The following ABHD16A variants were observed in gnomAD, a reference collection of about 807,000 sequenced individuals.
ABHD16A encodes abhydrolase domain containing 16A, phospholipase.
In ABHD16A, 47 loss-of-function variants were observed where a neutral mutation model predicts 89.8. The observed-to-expected ratio is 0.52, with a 90% CI of 0.41 to 0.67. The LOEUF is 0.67. ABHD16A is among the 30% of genes least tolerant of loss of function. The pLI is 0.00. For synonymous variants in ABHD16A, 251 were observed against 280.4 expected, an observed-to-expected ratio of 0.90 and a Z score of 1.05; for missense variants, 580 against 734.6, an observed-to-expected ratio of 0.79 and a Z score of 2.43.
chr6:31,703,274 T>C lies in ABHD16A; in HGVS notation c.8A>G (p.Lys3Arg), dbSNP rs527750141. 6.6e-6 allele frequency: 9 copies of C among 1,356,012 alleles called. No individual in the cohort carries two copies. In the South Asian group the frequency reaches 8.3e-5, roughly 13 times the overall value. The allele number at this position is 1,356,012 out of a possible 1,614,324, so 84.0% of individuals were successfully genotyped here. A position where few individuals can be genotyped will look rare whatever the true frequency, so the allele number is the denominator to read the frequency against. Residue 3 changes from lysine to arginine, a missense_variant, in exon 1 of 20, where the codon AAG (lysine) becomes AGG (arginine). This residue lies in a region of ABHD16A where 165 missense variants were observed against 165.8 expected (regional missense o/e 1.00). Transcript: ENST00000395952. Reference protein sequence around the residue: MAKLLSCVLGPRL... With the variant: MARLLSCVLGPRL... Reference sequence around the variant, plus strand: ...GGGGCCTAGGACGCAGCTCAGCAGCTTCGCCATGGCCCCGGCTCGGGCCGC... The same window carrying C: ...GGGGCCTAGGACGCAGCTCAGCAGCCTCGCCATGGCCCCGGCTCGGGCCGC...
intron 11 of ABHD16A, 44 bp from the exon 12 acceptor site, chr6:31,689,748 G>C: frequency 1.9e-6 from 3 of 1,579,844 alleles, no homozygotes; most frequent in Non-Finnish European, 2.6e-6. Context: ...AGCACCAAAG[G>C]CCAGCTCACC....
At chr6:31,702,330 CAG>C (rs1282097646) in intron 1 of ABHD16A, among the ~76,000 whole-genome samples, 200 bp from the exon 2 acceptor site, 1 of 152,170 alleles carries the variant, frequency 6.6e-6, no homozygotes, top group Non-Finnish European at 1.5e-5. Context: ...GGAACAAACA[CAG>C]GGAGCTGGAT....
chr6:31,690,508 C>T lies in ABHD16A; in HGVS notation c.907+31G>A, dbSNP rs1466796083. ...GGCAGGGACATTCCCTTTCAAAGGG[C>T]GGAGATAAGGAGGCTGAGTCACCGT... On this transcript the variant is annotated intron_variant, in intron 10 of 19. Coordinates refer to ENST00000395952, the MANE Select transcript of ABHD16A (RefSeq NM_021160.3). This position sits in a 1 kb window ranked among gnomAD's most constrained non-coding sequence, Gnocchi z 4.1. The T allele has an allele frequency of 1.2e-5, 19 of 1,610,404 alleles. No homozygotes were observed. The African/African-American group carries it at 1.2e-4, about 10-fold the overall frequency.
chr6:31,688,096 C>T lies in ABHD16A; in HGVS notation c.1315G>A (p.Glu439Lys). The change falls in exon 16 of 20, where the codon GAG (glutamate) becomes AAG (lysine). Residue 439 changes from glutamate (E) to lysine (K), a missense_variant. Transcript: ENST00000395952. This position sits in a 1 kb window ranked among gnomAD's most constrained non-coding sequence, Gnocchi z 4.9. ...KDEIITTTVP[E>K]DIMSNRGNDL... ...TTGCCTCGGTTGGACATGATGTCCT[C>T]AGGAACCCTGGGGGTGAGAAGAATG... 6.2e-7 allele frequency: 1 copy of T among 1,612,428 alleles called. No individual in the cohort carries two copies. Among genetic ancestry groups the T allele is most frequent in the Non-Finnish European group, 8.5e-7 (1 of 1,178,990 alleles).
rs1487603696 is a variant in ABHD16A, at chr6:31,691,499, G to T, written c.843+80C>A. 7.8e-6 allele frequency: 10 copies of T among 1,283,146 alleles called. No homozygotes were observed. In the South Asian group the frequency reaches 8.8e-5, roughly 11 times the overall value. 79.5% of individuals were successfully genotyped at this position (1,283,146 alleles called of 1,614,324 possible). On this transcript the variant is annotated intron_variant, in intron 9 of 19. Transcript: ENST00000395952. ...CCCCAGTAGTGGTTCCTTCAGGGAG[G>T]TGCTATAGCATTGGGGTCCCCAGAC...
chr6:31,689,529 G>A, intron 12 of ABHD16A, 52 bp downstream of exon 12: 1 of 1,498,418 alleles, frequency 6.7e-7, no homozygotes, highest in South Asian at 1.3e-5. Flanking sequence ...CCCGGGTGGG[G>A]CTGGGTGGTC....
chr6:31,701,380 C>G, intron 2 of ABHD16A, 40 bp from the exon 3 acceptor site: 2 of 1,496,700 alleles, frequency 1.3e-6, no homozygotes, highest in Non-Finnish European at 1.9e-6. Flanking sequence ...AATACACACA[C>G]ACACACACAC....
rs747522950 is a variant in ABHD16A at position 31,687,340 on chromosome 6, G to A, written c.1594-45C>T. The A allele has an allele frequency of 1.2e-6, 2 of 1,605,538 alleles. No homozygotes were observed. The highest frequency in any genetic ancestry group is 1.7e-5 in the Admixed American group (1 of 59,946). On this transcript the variant is annotated intron_variant, in intron 19 of 19. Transcript: ENST00000395952. This position sits in a 1 kb window ranked among gnomAD's most constrained non-coding sequence, Gnocchi z 6.3. ...CAGGTGGGGTACAGAGCACTGTTGG[G>A]AGGGGCAGCCACTGGACTCCCTCCC...
chr6:31,696,442 A>G (rs805276), intron 5 of ABHD16A, among the ~76,000 whole-genome samples: 56,961 of 151,286 alleles, frequency 0.38, 11,779 homozygotes, highest in African/African-American at 0.55. Context: ...AGACCAGCCT[A>G]GCCAACATGG....
At chr6:31,691,730 T>A (rs1803897335) in intron 8 of ABHD16A, 50 bp from the exon 9 acceptor site, 1 of 716,504 alleles carries the variant, frequency 1.4e-6, no homozygotes, top group Admixed American at 2.4e-5. Flanking sequence ...GGAGGCCACA[T>A]CACAGGGGTG....
rs896062957 is a variant in ABHD16A, at chr6:31,693,302, G to C, written c.503+57C>G. 3 of 1,604,562 alleles carry C rather than the reference G, an allele frequency of 1.9e-6. No individual in the cohort carries two copies. Among genetic ancestry groups the C allele is most frequent in the African/African-American group, 2.7e-5 (2 of 74,728 alleles). ...GGCATGGAGGTGGGAGGGCAGAGCA[G>C]AGATTTTCTGGAATGGTTCTAAGGG... On this transcript the variant is annotated intron_variant, in intron 6 of 19. Transcript: ENST00000395952. The surrounding 1 kb of genome is among the most constrained non-coding windows in gnomAD (Gnocchi z 5.0).
At position 31,696,945 on chromosome 6, in the gene ABHD16A, C is replaced by A. The variant is rs559451959; in HGVS notation, c.429+3G>T. On this transcript the variant is annotated splice_donor_region_variant and intron_variant, in intron 5 of 19. Coordinates refer to ENST00000395952, the MANE Select transcript of ABHD16A (RefSeq NM_021160.3). ...GTGTGGCACTTTTCCTAGGGCCTCT[C>A]ACCTTGTTTTCTGAAGACTGGTTCC... The A allele has an allele frequency of 6.2e-7, 1 of 1,612,584 alleles. No individual in the cohort carries two copies. Among genetic ancestry groups the A allele is most frequent in the Admixed American group, 1.7e-5 (1 of 60,010 alleles).
intron 5 of ABHD16A, among the ~76,000 whole-genome samples, chr6:31,694,395 T>TTTTTTTG (rs1288812498): frequency 7.2e-6 from 1 of 138,100 alleles, no homozygotes; most frequent in Non-Finnish European, 1.5e-5. Context: ...GTCTTTTTTT[T>TTTTTTTG]TTTTTTTTTT....
At position 31,690,139 on chromosome 6, in the gene ABHD16A, G is replaced by T. The variant is rs201478181; in HGVS notation, c.908-12C>A. 1.3e-6 allele frequency: 2 copies of T among 1,586,072 alleles called. No individual in the cohort carries two copies. The highest frequency in any genetic ancestry group is 1.7e-6 in the Non-Finnish European group (2 of 1,166,448). Reference sequence around the variant, plus strand: ...GACTGAATATCCAGCTGTAACACAGGGGGAGGAGGGACTGAGACCTTGTGG... The same window carrying T: ...GACTGAATATCCAGCTGTAACACAGTGGGAGGAGGGACTGAGACCTTGTGG... On this transcript the variant is annotated splice_polypyrimidine_tract_variant and intron_variant, in intron 10 of 19. Transcript: ENST00000395952. This position sits in a 1 kb window ranked among gnomAD's most constrained non-coding sequence, Gnocchi z 4.1.
In ABHD16A at chr6:31,687,584, G is replaced by C. The variant is rs763124323; in HGVS notation, c.1547-40C>G. 4 of 1,612,806 alleles carry C rather than the reference G, an allele frequency of 2.5e-6. No individual in the cohort carries two copies. In the African/African-American group the frequency reaches 5.3e-5, roughly 22 times the overall value. The stretch of plus-strand genomic sequence containing the variant: ...CGCTCAAAATAGGCCACACATCTGG[G>C]TATTCATCCCCTTCCTAGGCCCTTC... On this transcript the variant is annotated intron_variant, in intron 18 of 19. Transcript: ENST00000395952. The surrounding 1 kb of genome is among the most constrained non-coding windows in gnomAD (Gnocchi z 6.3).
chr6:31,696,115 G>C (rs537234729), intron 5 of ABHD16A, among the ~76,000 whole-genome samples: 1 of 150,124 alleles, frequency 6.7e-6, no homozygotes, highest in Non-Finnish European at 1.5e-5. Context: ...AGTAAGCTGA[G>C]ATGGCGCCAC....
chr6:31,691,604 G>T lies in ABHD16A; in HGVS notation c.818C>A (p.Thr273Lys). 1.9e-6 allele frequency: 3 copies of T among 1,612,960 alleles called. No individual in the cohort carries two copies. The highest frequency in any genetic ancestry group is 2.5e-6 in the Non-Finnish European group (3 of 1,180,000). The change falls in exon 9 of 20, where the codon ACA becomes AAA. Residue 273 changes from threonine (T) to lysine (K), a missense_variant. This residue lies in a region of ABHD16A where 415 missense variants were observed against 568.8 expected (regional missense o/e 0.73). Coordinates refer to ENST00000395952, the MANE Select transcript of ABHD16A (RefSeq NM_021160.3). ...CAGCTTCTGTCCCTGGGGCTCAGCT[G>T]TCCCCCGCCGGTCCACAAACATGGT... is the stretch of plus-strand genomic sequence containing the variant. Reference protein sequence around the residue: ...IDTMFVDRRGTAEPQGQKLVI... With the variant: ...IDTMFVDRRGKAEPQGQKLVI...
In ABHD16A at chr6:31,688,242, C is replaced by A. The variant is rs1803500084; in HGVS notation, c.1307+7G>T. Reference sequence around the variant, plus strand: ...GTTCCTGAGGGCCGAGATTCCCACGCACTCACGTGGTGGTGATGATCTCAT... The same window carrying A: ...GTTCCTGAGGGCCGAGATTCCCACGAACTCACGTGGTGGTGATGATCTCAT... On this transcript the variant is annotated splice_region_variant and intron_variant, in intron 15 of 19. Coordinates refer to ENST00000395952, the MANE Select transcript of ABHD16A (RefSeq NM_021160.3). This position sits in a 1 kb window ranked among gnomAD's most constrained non-coding sequence, Gnocchi z 4.9. 6.2e-7 allele frequency: 1 copy of A among 1,613,886 alleles called. No homozygotes were observed. The highest frequency in any genetic ancestry group is 1.3e-5 in the African/African-American group (1 of 74,932).
At position 31,690,711 on chromosome 6, in the gene ABHD16A, C is replaced by T. The variant is rs1223239617; in HGVS notation, c.844-109G>A. ...GAGCTTTGCAGGGAAGAGGAAAGGG[C>T]AGGTTTCTGTTTTCTCCAAGGGGAA... On this transcript the variant is annotated intron_variant, in intron 9 of 19. Transcript: ENST00000395952. The surrounding 1 kb of genome is among the most constrained non-coding windows in gnomAD (Gnocchi z 4.1). The T allele has an allele frequency of 2.1e-6, 2 of 971,786 alleles. No homozygotes were observed. The highest frequency in any genetic ancestry group is 1.6e-5 in the African/African-American group (1 of 61,940). The allele number at this position is 971,786 out of a possible 1,614,324, so 60.2% of individuals were successfully genotyped here.
Sources: allele counts gnomAD v4.1 joint callset (sites outside exome capture counted in the v4.1 genomes callset), GRCh38; gene constraint gnomAD v4.1.1; regional missense constraint gnomAD v4.1.1; non-coding constraint Gnocchi (gnomAD v3.1); transcripts MANE v1.5; gene names NCBI Gene and HGNC (gene_info 2026-07-23, HGNC 2026-07-21).